The following PARD6G variants were observed in gnomAD, a reference collection of about 807,000 sequenced individuals.
The protein encoded by PARD6G is partitioning defective 6 homolog gamma.
Under a neutral mutation model 10.7 loss-of-function variants are expected in PARD6G, and 7 were observed. That is an observed-to-expected ratio of 0.66 (90% CI 0.37 to 1.23). The LOEUF is 1.23. Among genes scored for constraint, PARD6G ranks in the 50% most tolerant of loss-of-function variants. The probability of loss-of-function intolerance (pLI) is 0.02; values close to 1 mark genes in which losing one functional copy is unlikely to be tolerated. For missense variants in PARD6G, 548 were observed against 571.8 expected, an observed-to-expected ratio of 0.96 and a Z score of 0.42; for synonymous variants, 287 against 269.4, an observed-to-expected ratio of 1.07 and a Z score of -0.64.
At chr18:80,214,465 CA>C (rs998976339) in intron 1 of PARD6G, among the ~76,000 whole-genome samples, 6 of 143,858 alleles carry the variant, frequency 4.2e-5, no homozygotes, top group Admixed American at 7.0e-5. Context: ...GACTACATTT[CA>C]AAAAAAAAAG....
At chr18:80,190,440 C>A (rs983175306) in intron 2 of PARD6G, among the ~76,000 whole-genome samples, 1 of 152,132 alleles carries the variant, frequency 6.6e-6, no homozygotes, top group African/African-American at 2.4e-5. Context: ...AGGAGGTGTC[C>A]CTTTAGGCCT....
Position 80,160,575 on chromosome 18 carries a change from G to T in PARD6G, c.327C>A (p.Gly109=). Residue 109 remains glycine, a synonymous_variant, in exon 3 of 3, where the codon GGC becomes GGA. Transcript: ENST00000353265. ...GCGCCCGCCTCCGCCTGCACAGCGA[G>T]CCCGCGCCGAGGCTGCCACGCTCGG... The part of the protein sequence containing the change: ...EEAERGSLGA[G]SLCRRRRALG... 6.8e-7 allele frequency: 1 copy of T among 1,461,220 alleles called. No individual in the cohort carries two copies. The highest frequency in any genetic ancestry group is 9.0e-7 in the Non-Finnish European group (1 of 1,110,382). 90.5% of individuals were successfully genotyped at this position (1,461,220 alleles called of 1,614,324 possible).
intron 1 of PARD6G, among the ~76,000 whole-genome samples, chr18:80,224,831 A>C (rs972698976): frequency 2.0e-5 from 3 of 150,284 alleles, no homozygotes; most frequent in Non-Finnish European, 4.4e-5. Context: ...TGGTCGACAG[A>C]GTGAGACTCC....
At chr18:80,214,814 C>A (rs1967146521) in intron 1 of PARD6G, among the ~76,000 whole-genome samples, 1 of 152,014 alleles carries the variant, frequency 6.6e-6, no homozygotes. Flanking sequence ...CCAAAATTTT[C>A]CATTAAACTT....
chr18:80,172,908 A>G (rs2052786533), intron 2 of PARD6G, among the ~76,000 whole-genome samples: 1 of 152,204 alleles, frequency 6.6e-6, no homozygotes, highest in Admixed American at 6.5e-5. Context: ...TCATTGCCTA[A>G]TGCGAAGTCA....
At chr18:80,202,624 G>C in intron 2 of PARD6G, 86 bp downstream of exon 2, 3 of 1,168,666 alleles carry the variant, frequency 2.6e-6, no homozygotes, top group Non-Finnish European at 3.7e-6. Flanking sequence ...GAACCACATA[G>C]TCCTGTAATG....
At chr18:80,215,394 C>T (rs983157307) in intron 1 of PARD6G, among the ~76,000 whole-genome samples, 2 of 152,030 alleles carry the variant, frequency 1.3e-5, no homozygotes, top group African/African-American at 4.8e-5. Context: ...GTAACTCATT[C>T]TTCTGATTTA....
chr18:80,214,343 G>C (rs1181226341), intron 1 of PARD6G, among the ~76,000 whole-genome samples: 1 of 152,030 alleles, frequency 6.6e-6, no homozygotes, highest in African/African-American at 2.4e-5. Flanking sequence ...GTGAGCGCCT[G>C]TAGTCTCAGC....
At chr18:80,245,035 C>T (rs991203683) in intron 1 of PARD6G, among the ~76,000 whole-genome samples, 5 of 152,160 alleles carry the variant, frequency 3.3e-5, no homozygotes, top group South Asian at 4.1e-4. Context: ...AAAACTCTGG[C>T]GCTGCCACTC....
intron 1 of PARD6G, among the ~76,000 whole-genome samples, chr18:80,232,568 T>C (rs1424089078): frequency 6.6e-6 from 1 of 152,082 alleles, no homozygotes; most frequent in South Asian, 2.1e-4. Context: ...ATGAGACTTA[T>C]TCACTACCAC....
chr18:80,240,930 T>A (rs780013396), intron 1 of PARD6G, among the ~76,000 whole-genome samples: 1 of 152,166 alleles, frequency 6.6e-6, no homozygotes, highest in Non-Finnish European at 1.5e-5. Context: ...CCCCAGCACA[T>A]GCCCTATGCC....
rs1295803083 is a variant in PARD6G at position 80,247,093 on chromosome 18, G to A, written c.72+184C>T. ...CGGCTGCCGGGCTTTGTGTCCGCGCGGGGGGCGGGAAGGACGGCCGGGGTC... is the reference window on the plus strand; with the variant it reads ...CGGCTGCCGGGCTTTGTGTCCGCGCAGGGGGCGGGAAGGACGGCCGGGGTC... On this transcript the variant is annotated intron_variant, in intron 1 of 2. Coordinates refer to ENST00000353265, the MANE Select transcript of PARD6G (RefSeq NM_032510.4). The surrounding 1 kb of genome is among the most constrained non-coding windows in gnomAD (Gnocchi z 4.2). Among the ~76,000 whole-genome samples the A allele has an allele frequency of 1.3e-5, 2 of 152,106 alleles. No individual in the cohort carries two copies. The highest frequency in any genetic ancestry group is 4.8e-5 in the African/African-American group (2 of 41,428).
At chr18:80,164,593 T>C (rs2052722939) in intron 2 of PARD6G, among the ~76,000 whole-genome samples, 1 of 152,180 alleles carries the variant, frequency 6.6e-6, no homozygotes, top group Admixed American at 6.5e-5. Flanking sequence ...TAATGTAAAA[T>C]ATAATCCTAG....
intron 2 of PARD6G, among the ~76,000 whole-genome samples, chr18:80,194,478 T>C (rs1599859325): frequency 1.3e-5 from 2 of 152,334 alleles, no homozygotes; most frequent in South Asian, 2.1e-4. Flanking sequence ...AGTCACACGA[T>C]AATTTTAGAA....
rs2052892342 is a variant in PARD6G, at chr18:80,188,638, T to C, written c.295+14072A>G. On this transcript the variant is annotated intron_variant, in intron 2 of 2. Coordinates refer to ENST00000353265, the MANE Select transcript of PARD6G (RefSeq NM_032510.4). The surrounding 1 kb of genome is among the most constrained non-coding windows in gnomAD (Gnocchi z 5.4). ...TCCCCACCTATTGCTCTTGAGTTTT[T>C]ATGATGAAGGAAAAAGAAAGGAAAC... Among the ~76,000 whole-genome samples, 1 of 152,176 alleles carries C rather than the reference T, an allele frequency of 6.6e-6. No individual in the cohort carries two copies. Among genetic ancestry groups the C allele is most frequent in the African/African-American group, 2.4e-5 (1 of 41,456 alleles).
intron 1 of PARD6G, among the ~76,000 whole-genome samples, chr18:80,244,950 G>A (rs984087615): frequency 1.3e-5 from 2 of 152,160 alleles, no homozygotes; most frequent in Non-Finnish European, 2.9e-5. Context: ...GCCCCATCAC[G>A]GTGGGGAGGG....
In PARD6G at chr18:80,221,563, A is replaced by C. The variant is rs75099108; in HGVS notation, c.73-18631T>G. Among the ~76,000 whole-genome samples, 4 of 152,352 alleles carry C rather than the reference A, an allele frequency of 2.6e-5. No homozygotes were observed. In the East Asian group the frequency reaches 5.8e-4, roughly 22 times the overall value. On this transcript the variant is annotated intron_variant, in intron 1 of 2. Transcript: ENST00000353265. ...ATAGAAAGAGACTTCTTCATCCTAC[A>C]TAGAGAATATCTATGAAAACTCACC...
At position 80,160,371 on chromosome 18, in the gene PARD6G, G is replaced by A. The variant is rs768101997; in HGVS notation, c.531C>T (p.Gly177=). The change falls in exon 3 of 3, where the codon GGC becomes GGT. Residue 177 remains glycine (G), a synonymous_variant. Transcript: ENST00000353265. ...EKPLGFYIRD[G]ASVRVTPHGL... Reference sequence around the variant, plus strand: ...CGTGCGGGGTCACGCGCACGCTGGCGCCATCGCGGATGTAGAAGCCCAGCG... The same window carrying A: ...CGTGCGGGGTCACGCGCACGCTGGCACCATCGCGGATGTAGAAGCCCAGCG... 2 of 1,610,068 alleles carry A rather than the reference G, an allele frequency of 1.2e-6. No homozygotes were observed. The highest frequency in any genetic ancestry group is 2.2e-5 in the South Asian group (2 of 90,822).
In PARD6G at chr18:80,200,290, C is replaced by T. The variant is rs754734327; in HGVS notation, c.295+2420G>A. ...GCAGGGAGGGTGCCTGACTGTGCACCGGAAACAACTGCCCCTGACTGCCAC... is the reference window on the plus strand; with the variant it reads ...GCAGGGAGGGTGCCTGACTGTGCACTGGAAACAACTGCCCCTGACTGCCAC... On this transcript the variant is annotated intron_variant, in intron 2 of 2. Transcript: ENST00000353265. This position sits in a 1 kb window ranked among gnomAD's most constrained non-coding sequence, Gnocchi z 4.4. 7.2e-5 allele frequency among the ~76,000 whole-genome samples: 11 copies of T among 152,104 alleles called. No individual in the cohort carries two copies. The highest frequency in any genetic ancestry group is 1.5e-4 in the Non-Finnish European group (10 of 68,028).
Sources: gnomAD v4.1 joint callset for allele counts (sites outside exome capture counted in the v4.1 genomes callset) on GRCh38, gnomAD v4.1.1 for gene constraint, Gnocchi (gnomAD v3.1) non-coding constraint, MANE v1.5 for transcripts, NCBI Gene and HGNC (gene_info 2026-07-23, HGNC 2026-07-21) for gene names.